UFC1: variants seen among roughly 807,000 people sequenced by gnomAD.
UFC1 encodes the protein ubiquitin-fold modifier-conjugating enzyme 1.
UFC1 carries 22 observed loss-of-function variants against 28.0 expected under a neutral mutation model. The ratio of observed to expected loss-of-function variants is 0.78; its 90% confidence interval spans 0.56 to 1.12. The LOEUF is 1.12. UFC1 is among the 50% of genes most tolerant of loss of function. The probability of loss-of-function intolerance (pLI) is 0.00; values close to 1 mark genes in which losing one functional copy is unlikely to be tolerated. For missense variants in UFC1, 189 were observed against 207.8 expected (o/e 0.91, Z 0.56); for synonymous variants, 61 against 74.5 (o/e 0.82, Z 0.93).
intron 1 of UFC1, among the ~76,000 whole-genome samples, chr1:161,155,985 G>A (rs998109487): frequency 1.3e-5 from 2 of 152,218 alleles, no homozygotes; most frequent in African/African-American, 4.8e-5. Flanking sequence ...GCCTGTGGGT[G>A]TTAGTTGAAA....
At chr1:161,155,587 A>G (rs541323637) in intron 1 of UFC1, among the ~76,000 whole-genome samples, 1 of 152,372 alleles carries the variant, frequency 6.6e-6, no homozygotes, top group Non-Finnish European at 1.5e-5. Flanking sequence ...GACTGAAGGT[A>G]AGAGACAAGT....
chr1:161,154,199 G>A (rs1657442991), intron 1 of UFC1, 79 bp downstream of exon 1: 1 of 1,568,412 alleles, frequency 6.4e-7, no homozygotes, highest in Non-Finnish European at 8.7e-7. Flanking sequence ...GGCTCCGTGT[G>A]GAAGCCGCTT....
Position 161,154,053 on chromosome 1 carries a change from A to G in UFC1, c.56A>G (p.Asn19Ser). ...VVSEIPVLKTNAGPRDRELWV... is the reference protein window; with the variant it reads ...VVSEIPVLKTSAGPRDRELWV... Reference sequence around the variant, plus strand: ...TCTGAGATCCCGGTGCTGAAGACTAACGCCGGACCCCGAGATCGTGAGTTG... The same window carrying G: ...TCTGAGATCCCGGTGCTGAAGACTAGCGCCGGACCCCGAGATCGTGAGTTG... Residue 19 changes from asparagine (N) to serine (S), a missense_variant, in exon 1 of 6, where the codon AAC becomes AGC. Physicochemically the swap from Asn to Ser is conservative, Grantham distance 46 (BLOSUM62 1). Transcript: ENST00000368003. 6.2e-7 allele frequency: 1 copy of G among 1,614,080 alleles called. No individual in the cohort carries two copies. Among genetic ancestry groups the G allele is most frequent in the Non-Finnish European group, 8.5e-7 (1 of 1,180,024 alleles).
At chr1:161,157,883 C>A in intron 4 of UFC1, 190 bp downstream of exon 4, 1 of 628,944 alleles carries the variant, frequency 1.6e-6, no homozygotes. Flanking sequence ...GCATGTGTAC[C>A]TCTGAACTTA....
chr1:161,158,165 C>T lies in UFC1; in HGVS notation c.377C>T (p.Ala126Val), dbSNP rs1187796935. 25 of 1,614,002 alleles carry T rather than the reference C, an allele frequency of 1.5e-5. No homozygotes were observed. The highest frequency in any genetic ancestry group is 2.0e-5 in the Non-Finnish European group (24 of 1,180,026). Residue 126 changes from alanine to valine, a missense_variant, in exon 5 of 6, where the codon GCC becomes GTC. Ala to Val is a moderately conservative substitution (Grantham distance 64). Transcript: ENST00000368003. The part of the protein sequence containing the change: ...CLTDHFKPLW[A>V]RNVPKFGLAH... ...ACGGATCATTTCAAACCTTTGTGGG[C>T]CAGGAATGTGCCCAAATTTGGACTA...
At chr1:161,154,909 G>A (rs1220209411) in intron 1 of UFC1, among the ~76,000 whole-genome samples, 1 of 152,120 alleles carries the variant, frequency 6.6e-6, no homozygotes, top group African/African-American at 2.4e-5. Context: ...TCTCTACTGT[G>A]GAAGGTGAGA....
chr1:161,156,656 A>G (rs1657515294), intron 1 of UFC1, among the ~76,000 whole-genome samples: 3 of 152,062 alleles, frequency 2.0e-5, no homozygotes, highest in Admixed American at 6.6e-5. Context: ...AGCCTGGCCA[A>G]CATGGCAAAA....
chr1:161,158,144 A>G lies in UFC1; in HGVS notation c.356A>G (p.Asp119Gly). The G allele has an allele frequency of 6.2e-7, 1 of 1,614,170 alleles. No homozygotes were observed. The highest frequency in any genetic ancestry group is 8.5e-7 in the Non-Finnish European group (1 of 1,180,030). Reference protein sequence around the residue: ...MYRGGKICLTDHFKPLWARNV... With the variant: ...MYRGGKICLTGHFKPLWARNV... ...AGGGGTGGCAAAATATGCCTGACGG[A>G]TCATTTCAAACCTTTGTGGGCCAGG... The change falls in exon 5 of 6, where the codon GAT becomes GGT. Residue 119 changes from aspartate (D) to glycine (G), a missense_variant. Physicochemically the swap from Asp to Gly is moderately conservative, Grantham distance 94. Transcript: ENST00000368003.
intron 3 of UFC1, 31 bp from the exon 4 acceptor site, chr1:161,157,586 C>T (rs1417715665): frequency 6.3e-7 from 1 of 1,587,118 alleles, no homozygotes; most frequent in South Asian, 1.1e-5. Flanking sequence ...TATCCTGATT[C>T]TGTTTTATTA....
rs1026066003 is a variant in UFC1, at chr1:161,157,548, T to C, written c.256-69T>C. ...AACATTTCAGTTTAACCAAGAAATA[T>C]GTATGTCTGATTATATTAGTTCCTT... On this transcript the variant is annotated intron_variant, in intron 3 of 5. Coordinates refer to ENST00000368003, the MANE Select transcript of UFC1 (RefSeq NM_016406.4). The C allele has an allele frequency of 1.1e-5, 16 of 1,475,866 alleles. No homozygotes were observed. The East Asian group carries it at 1.2e-4, about 11-fold the overall frequency. The allele number at this position is 1,475,866 out of a possible 1,614,324, so 91.4% of individuals were successfully genotyped here. A position where few individuals can be genotyped will look rare whatever the true frequency, so the allele number is the denominator to read the frequency against.
In UFC1 at chr1:161,157,676, G is replaced by A. The variant is rs1557996713; in HGVS notation, c.315G>A (p.Lys105=). The part of the protein sequence containing the change: ...PEIAVPELDG[K]TAKMYRGGKI... ...TTGCAGTTCCTGAGCTGGATGGAAA[G>A]ACAGCAAAGATGTACAGGTAGGACT... The change falls in exon 4 of 6, where the codon AAG becomes AAA. Residue 105 remains lysine (K), a synonymous_variant. Transcript: ENST00000368003. 1 of 1,613,982 alleles carries A rather than the reference G, an allele frequency of 6.2e-7. No homozygotes were observed. The highest frequency in any genetic ancestry group is 8.5e-7 in the Non-Finnish European group (1 of 1,179,896).
At chr1:161,157,138 G>T in intron 2 of UFC1, 116 bp from the exon 3 acceptor site, 1 of 1,512,568 alleles carries the variant, frequency 6.6e-7, no homozygotes. Context: ...CTCCCACAGC[G>T]CCAGAGTTCC....
chr1:161,157,989 G>T (rs1017057963), intron 4 of UFC1, 132 bp from the exon 5 acceptor site: 22 of 791,972 alleles, frequency 2.8e-5, no homozygotes, highest in Non-Finnish European at 4.5e-5. Flanking sequence ...CTCCTTTGCT[G>T]AGCCTAAGCA....
At chr1:161,156,778 GT>G (rs1481581638) in intron 1 of UFC1, among the ~76,000 whole-genome samples, 171 bp from the exon 2 acceptor site, 1 of 151,340 alleles carries the variant, frequency 6.6e-6, no homozygotes, top group Non-Finnish European at 1.5e-5. Flanking sequence ...GGAGGTGGAA[GT>G]TGCAGTGAAC....
chr1:161,154,631 C>T (rs1036031623), intron 1 of UFC1, among the ~76,000 whole-genome samples: 11 of 152,056 alleles, frequency 7.2e-5, no homozygotes, highest in African/African-American at 2.7e-4. Flanking sequence ...ACTACAGGCG[C>T]GCGCCACCAC....
intron 4 of UFC1, 63 bp downstream of exon 4, chr1:161,157,756 GAGGGAGAGCATC>G (rs1657566425): frequency 4.3e-5 from 60 of 1,393,138 alleles, no homozygotes; most frequent in Non-Finnish European, 6.0e-5. Flanking sequence ...TTCGTGGCGG[GAGGGAGAGCATC>G]AGGAAGAATA....
chr1:161,157,533 TTTAAC>T (rs1237793789), intron 3 of UFC1, 79 bp from the exon 4 acceptor site: 87 of 1,435,956 alleles, frequency 6.1e-5, no homozygotes, highest in Non-Finnish European at 8.3e-5. Flanking sequence ...AACATTTCAG[TTTAAC>T]CAAGAAATAT....
chr1:161,157,547 A>G, intron 3 of UFC1, 70 bp from the exon 4 acceptor site: 1 of 1,473,528 alleles, frequency 6.8e-7, no homozygotes, highest in Non-Finnish European at 9.4e-7. Flanking sequence ...ACCAAGAAAT[A>G]TGTATGTCTG....
intron 1 of UFC1, 129 bp from the exon 2 acceptor site, chr1:161,156,821 G>A (rs989031880): frequency 4.1e-5 from 33 of 808,354 alleles, no homozygotes; most frequent in Middle Eastern, 3.1e-4. Context: ...CAGCCTGTGC[G>A]ACGGGAGCGA....
Sources: gnomAD v4.1 joint callset for allele counts (sites outside exome capture counted in the v4.1 genomes callset) on GRCh38, gnomAD v4.1.1 for gene constraint, MANE v1.5 for transcripts, NCBI Gene and HGNC (gene_info 2026-07-23, HGNC 2026-07-21) for gene names.